The following ABCC4 variants were observed in gnomAD, a reference collection of about 807,000 sequenced individuals.
ABCC4 encodes the protein ATP binding cassette subfamily C member 4 (PEL blood group), also known as ATP-binding cassette sub-family C member 4.
Under a neutral mutation model 168.5 loss-of-function variants are expected in ABCC4, and 102 were observed. The ratio of observed to expected loss-of-function variants is 0.61; its 90% CI spans 0.52 to 0.71. The LOEUF is 0.71. Among genes scored for constraint, ABCC4 ranks in the 30% least tolerant of loss-of-function variants. The pLI is 0.00. For missense variants in ABCC4, 1,402 were observed against 1,605.8 expected, an observed-to-expected ratio of 0.87 and a Z score of 2.17; for synonymous variants, 617 against 590.7, an observed-to-expected ratio of 1.04 and a Z score of -0.65.
At chr13:95,146,679 G>A (rs960289574) in intron 19 of ABCC4, among the ~76,000 whole-genome samples, 1 of 152,220 alleles carries the variant, frequency 6.6e-6, no homozygotes. Flanking sequence ...CTACTGTGTG[G>A]ATGCTCAGAG....
chr13:95,269,876 G>A (rs1314500375), intron 1 of ABCC4, among the ~76,000 whole-genome samples: 1 of 152,170 alleles, frequency 6.6e-6, no homozygotes, highest in African/African-American at 2.4e-5. Context: ...ACAGAGCAAT[G>A]AAATACCATT....
At chr13:95,252,810 G>A (rs568069779) in intron 1 of ABCC4, among the ~76,000 whole-genome samples, 1 of 152,304 alleles carries the variant, frequency 6.6e-6, no homozygotes, top group Admixed American at 6.5e-5. Flanking sequence ...TCCTCGGACT[G>A]GGGGGACTAC....
intron 27 of ABCC4, among the ~76,000 whole-genome samples, chr13:95,049,953 G>A (rs1393849211): frequency 6.6e-6 from 1 of 152,138 alleles, no homozygotes; most frequent in Non-Finnish European, 1.5e-5. Flanking sequence ...TAAACCAAGT[G>A]ACTATGTTTT....
intron 1 of ABCC4, among the ~76,000 whole-genome samples, chr13:95,297,414 C>T (rs1378557077): frequency 6.6e-6 from 1 of 152,100 alleles, no homozygotes; most frequent in Non-Finnish European, 1.5e-5. Flanking sequence ...CGGGAAAATA[C>T]TTTGAATAAA....
chr13:95,022,813 C>G (rs1053051503), intron 30 of ABCC4, among the ~76,000 whole-genome samples: 1 of 152,186 alleles, frequency 6.6e-6, no homozygotes, highest in Admixed American at 6.5e-5. Flanking sequence ...AGACACCTGC[C>G]TACATATTAA....
chr13:95,242,940 C>T (rs1346914379), intron 3 of ABCC4, among the ~76,000 whole-genome samples: 3 of 152,188 alleles, frequency 2.0e-5, no homozygotes, highest in Non-Finnish European at 4.4e-5. Context: ...CCCTGAACTT[C>T]ACTGCATCGG....
chr13:95,252,375 C>A (rs1396114900), intron 1 of ABCC4, among the ~76,000 whole-genome samples: 1 of 151,896 alleles, frequency 6.6e-6, no homozygotes, highest in East Asian at 1.9e-4. Context: ...TAAACTTTAC[C>A]ATAGATATGT....
intron 1 of ABCC4, among the ~76,000 whole-genome samples, chr13:95,264,926 T>C (rs1421229363): frequency 6.9e-6 from 1 of 145,188 alleles, no homozygotes; most frequent in East Asian, 2.1e-4. Context: ...TGGAGTGAAG[T>C]GGTGTGATCT....
chr13:95,188,379 C>T (rs947910608), intron 10 of ABCC4, 74 bp downstream of exon 10: 19 of 1,360,188 alleles, frequency 1.4e-5, no homozygotes, highest in Non-Finnish European at 1.9e-5. Flanking sequence ...TTACACGTAG[C>T]CTTGGGCTCA....
At chr13:95,187,017 G>A in intron 10 of ABCC4, 125 bp from the exon 11 acceptor site, 5 of 759,016 alleles carry the variant, frequency 6.6e-6, no homozygotes, top group Non-Finnish European at 9.8e-6. Context: ...AAAGAGCACA[G>A]GAAGTTGTGA....
rs150655504 is a variant in ABCC4 at position 95,146,200 on chromosome 13, G to T, written c.2455+14989C>A. Among the ~76,000 whole-genome samples, 819 of 127,520 alleles carry T rather than the reference G, an allele frequency of 6.4e-3. 12 individuals carry two copies. The highest frequency in any genetic ancestry group is 0.023 in the African/African-American group (780 of 33,990). The allele number at this position is 127,520 out of a possible 152,430, so 83.7% of individuals were successfully genotyped here. On this transcript the variant is annotated intron_variant, in intron 19 of 30. Transcript: ENST00000645237. ...CACTCCAGCCTGAGTGACAGAGCAA[G>T]ACTCTCTCAAAAAAAAAAAAAAAAA...
At chr13:95,131,156 A>G (rs1412458346) in intron 19 of ABCC4, among the ~76,000 whole-genome samples, 1 of 152,230 alleles carries the variant, frequency 6.6e-6, no homozygotes, top group Non-Finnish European at 1.5e-5. Flanking sequence ...CAAGCCTGTC[A>G]AAAGGCAAAC....
At chr13:95,030,794 T>C (rs1566357133) in intron 30 of ABCC4, among the ~76,000 whole-genome samples, 1 of 152,240 alleles carries the variant, frequency 6.6e-6, no homozygotes, top group Non-Finnish European at 1.5e-5. Context: ...AGCCAGCTAG[T>C]CTGTGCTACT....
chr13:95,159,860 C>G (rs2037031852), intron 19 of ABCC4, among the ~76,000 whole-genome samples: 1 of 152,180 alleles, frequency 6.6e-6, no homozygotes. Context: ...TCATGTAAAA[C>G]AGAGAGGGTA....
chr13:95,050,873 TA>T (rs2032801431), intron 27 of ABCC4, among the ~76,000 whole-genome samples: 1 of 152,230 alleles, frequency 6.6e-6, no homozygotes, highest in Admixed American at 6.5e-5. Flanking sequence ...AATGTGTTTC[TA>T]AAAAGTACTT....
intron 4 of ABCC4, among the ~76,000 whole-genome samples, chr13:95,227,156 G>T (rs4773854): frequency 6.6e-6 from 1 of 152,058 alleles, no homozygotes; most frequent in Non-Finnish European, 1.5e-5. Flanking sequence ...ATGATGGGAC[G>T]CATCTGACAC....
At chr13:95,193,044 CATT>C (rs1348977176) in intron 9 of ABCC4, among the ~76,000 whole-genome samples, 4 of 152,192 alleles carry the variant, frequency 2.6e-5, no homozygotes, top group Non-Finnish European at 5.9e-5. Flanking sequence ...TCTGGGAACA[CATT>C]ATTGTTTTGT....
At chr13:95,226,393 T>C (rs1280243102) in intron 4 of ABCC4, among the ~76,000 whole-genome samples, 1 of 152,174 alleles carries the variant, frequency 6.6e-6, no homozygotes, top group Admixed American at 6.5e-5. Flanking sequence ...TCCATCTGAC[T>C]ACTAAAGTAA....
chr13:95,047,014 T>C (rs1446443830), intron 27 of ABCC4, among the ~76,000 whole-genome samples: 1 of 152,196 alleles, frequency 6.6e-6, no homozygotes, highest in Non-Finnish European at 1.5e-5. Context: ...CACATACATA[T>C]TTAAGGATGA....
Sources: allele counts gnomAD v4.1 joint callset (sites outside exome capture counted in the v4.1 genomes callset), GRCh38; gene constraint gnomAD v4.1.1; transcripts MANE v1.5; gene names NCBI Gene and HGNC (gene_info 2026-07-23, HGNC 2026-07-21).